Variants in SLC22A25 observed in about 807,000 individuals in gnomAD.
The protein encoded by SLC22A25 is solute carrier family 22 member 25.
SLC22A25 carries 44 observed loss-of-function variants against 45.9 expected under a neutral mutation model. That is an observed-to-expected ratio of 0.96 (90% confidence interval 0.75 to 1.23). The LOEUF is 1.23. Among genes scored for constraint, SLC22A25 ranks in the 50% most tolerant of loss-of-function variants. The pLI is 0.00. For synonymous variants in SLC22A25, 283 were observed against 238.6 expected (o/e 1.19, Z -1.72); for missense variants, 800 against 666.4 (o/e 1.20, Z -2.21).
chr11:63,187,558 C>T (rs1033761198), intron 7 of SLC22A25, among the ~76,000 whole-genome samples: 7 of 152,138 alleles, frequency 4.6e-5, no homozygotes, highest in African/African-American at 1.7e-4. Flanking sequence ...CCTGATTGCC[C>T]TGGCCAGAAC....
chr11:63,198,753 A>G (rs1330037227), intron 7 of SLC22A25, among the ~76,000 whole-genome samples: 1 of 152,142 alleles, frequency 6.6e-6, no homozygotes, highest in Non-Finnish European at 1.5e-5. Flanking sequence ...CAAGAAATTT[A>G]TTCAAAATCA....
chr11:63,175,018 C>T (rs2088034476), intron 9 of SLC22A25, among the ~76,000 whole-genome samples: 1 of 152,068 alleles, frequency 6.6e-6, no homozygotes, highest in South Asian at 2.1e-4. Context: ...TTTTACTTAT[C>T]CATATGTCAA....
At chr11:63,212,121 C>T (rs1212958902) in intron 7 of SLC22A25, among the ~76,000 whole-genome samples, 2 of 152,072 alleles carry the variant, frequency 1.3e-5, no homozygotes, top group African/African-American at 4.8e-5. Context: ...CAATGAGATA[C>T]CGTCTCACAC....
At chr11:63,241,678 A>G (rs1291806014) in intron 1 of SLC22A25, among the ~76,000 whole-genome samples, 3 of 152,298 alleles carry the variant, frequency 2.0e-5, no homozygotes, top group Middle Eastern at 3.4e-3. Context: ...AGAGGGAAGC[A>G]TTACTTCACT....
chr11:63,208,519 G>C (rs1026148802), intron 7 of SLC22A25, among the ~76,000 whole-genome samples: 7 of 152,186 alleles, frequency 4.6e-5, no homozygotes, highest in Admixed American at 1.3e-4. Context: ...GGACACGAGA[G>C]AGGCTCATTT....
chr11:63,186,388 ATTGT>A (rs2088547079), intron 7 of SLC22A25, among the ~76,000 whole-genome samples: 1 of 149,266 alleles, frequency 6.7e-6, no homozygotes, highest in Admixed American at 6.7e-5. Context: ...TTTTGTTGGG[ATTGT>A]TTGTTTTTTT....
In SLC22A25 at chr11:63,217,312, A is replaced by G. The variant is rs755232127; in HGVS notation, c.830+2T>C. 1 of 1,612,844 alleles carries G rather than the reference A, an allele frequency of 6.2e-7. No homozygotes were observed. Among genetic ancestry groups the G allele is most frequent in the Non-Finnish European group, 8.5e-7 (1 of 1,179,528 alleles). On this transcript the variant is annotated splice_donor_variant, in intron 7 of 11. Coordinates refer to ENST00000306494, the MANE Select transcript of SLC22A25 (RefSeq NM_199352.6). LOFTEE classifies it high-confidence loss of function. Reference sequence around the variant, plus strand: ...GGCAAAAGAAGAATGCAAGCTCAATACCTTGAGAACAGAAAGAAGACAAAG... The same window carrying G: ...GGCAAAAGAAGAATGCAAGCTCAATGCCTTGAGAACAGAAAGAAGACAAAG...
Position 63,158,847 on chromosome 11 carries a change from A to G in SLC22A25, c.*4977T>C, listed in dbSNP as rs894920558. Among the ~76,000 whole-genome samples, 1 of 152,158 alleles carries G rather than the reference A, an allele frequency of 6.6e-6. No individual in the cohort carries two copies. The highest frequency in any genetic ancestry group is 1.5e-5 in the Non-Finnish European group (1 of 68,020). ...TGCTATCAAATAGTAGATCTTATTCATTCTTTCCAACTTCCTTTTTTCCCC... is the reference window on the plus strand; with the variant it reads ...TGCTATCAAATAGTAGATCTTATTCGTTCTTTCCAACTTCCTTTTTTCCCC... On this transcript the variant is annotated 3_prime_UTR_variant, in exon 12 of 12. Coordinates refer to ENST00000306494, the MANE Select transcript of SLC22A25 (RefSeq NM_199352.6).
chr11:63,232,619 C>T (rs546513307), intron 3 of SLC22A25, among the ~76,000 whole-genome samples: 1 of 152,116 alleles, frequency 6.6e-6, no homozygotes, highest in Non-Finnish European at 1.5e-5. Flanking sequence ...ATTGAATTCC[C>T]TTTATTCCCT....
intron 7 of SLC22A25, among the ~76,000 whole-genome samples, chr11:63,192,613 A>G (rs2134757401): frequency 6.6e-6 from 1 of 152,216 alleles, no homozygotes; most frequent in East Asian, 1.9e-4. Flanking sequence ...GCAATAGCAC[A>G]CACAGGCTCA....
chr11:63,241,792 T>C (rs939746686), intron 1 of SLC22A25, among the ~76,000 whole-genome samples: 2 of 152,180 alleles, frequency 1.3e-5, no homozygotes, highest in African/African-American at 4.8e-5. Flanking sequence ...CCTGAGGGTA[T>C]GCACTGAGGT....
chr11:63,202,858 C>A (rs1476548088), intron 7 of SLC22A25, among the ~76,000 whole-genome samples: 1 of 152,218 alleles, frequency 6.6e-6, no homozygotes, highest in African/African-American at 2.4e-5. Context: ...TGCCTTCTGA[C>A]AGGGAGACAC....
At chr11:63,166,003 G>GGAAA in intron 10 of SLC22A25, 41 bp downstream of exon 10, 3 of 1,603,064 alleles carry the variant, frequency 1.9e-6, no homozygotes, top group Non-Finnish European at 2.6e-6. Context: ...GAGAAAAGAG[G>GGAAA]GAAAGACATT....
At chr11:63,201,253 A>G (rs1050530138) in intron 7 of SLC22A25, among the ~76,000 whole-genome samples, 8 of 152,182 alleles carry the variant, frequency 5.3e-5, no homozygotes, top group Non-Finnish European at 1.2e-4. Context: ...CCAACTTCAA[A>G]CTTTACTACA....
Position 63,163,825 on chromosome 11 carries a change from T to C in SLC22A25, c.1643A>G (p.Ter548TrpextTer41). ...TGTTTTGCTTTCCTCAGCACAGACCTATAGCACAGAGCTCCTCTGAGGGGC... is the reference window on the plus strand; with the variant it reads ...TGTTTTGCTTTCCTCAGCACAGACCCATAGCACAGAGCTCCTCTGAGGGGC... ...LAAPQRSSVL* is the reference protein window; with the variant it reads ...LAAPQRSSVLW The change falls in exon 12 of 12, where the codon TAG becomes TGG. Residue 548 changes from the stop codon to tryptophan (W), a stop_lost. Coordinates refer to ENST00000306494, the MANE Select transcript of SLC22A25 (RefSeq NM_199352.6). 1 of 1,612,206 alleles carries C rather than the reference T, an allele frequency of 6.2e-7. No homozygotes were observed. Among genetic ancestry groups the C allele is most frequent in the Non-Finnish European group, 8.5e-7 (1 of 1,179,000 alleles).
intron 7 of SLC22A25, among the ~76,000 whole-genome samples, chr11:63,202,181 C>T (rs2089266407): frequency 6.6e-6 from 1 of 152,070 alleles, no homozygotes; most frequent in Non-Finnish European, 1.5e-5. Context: ...GTGCTTATAC[C>T]ACCAGGGACC....
At chr11:63,236,082 T>G (rs939762316) in intron 3 of SLC22A25, among the ~76,000 whole-genome samples, 1 of 152,110 alleles carries the variant, frequency 6.6e-6, no homozygotes, top group Non-Finnish European at 1.5e-5. Flanking sequence ...TTAGGCTACT[T>G]GGTGTTCAGG....
At chr11:63,242,196 C>T (rs1391836979) in intron 1 of SLC22A25, among the ~76,000 whole-genome samples, 1 of 152,150 alleles carries the variant, frequency 6.6e-6, no homozygotes, top group Admixed American at 6.5e-5. Flanking sequence ...CCCCCTCCAC[C>T]CCTGGATTCT....
At chr11:63,165,176 AG>A (rs2087636989) in intron 10 of SLC22A25, among the ~76,000 whole-genome samples, 1 of 152,246 alleles carries the variant, frequency 6.6e-6, no homozygotes, top group Non-Finnish European at 1.5e-5. Flanking sequence ...CATTTATTGG[AG>A]AAAAATATCA....
Sources: allele counts gnomAD v4.1 joint callset (sites outside exome capture counted in the v4.1 genomes callset), GRCh38; gene constraint gnomAD v4.1.1; transcripts MANE v1.5; gene names NCBI Gene and HGNC (gene_info 2026-07-23, HGNC 2026-07-21).